Variants in RGS3 observed in about 807,000 individuals in gnomAD.
RGS3 encodes the protein regulator of G-protein signalling 3.
Under a neutral mutation model 132.6 loss-of-function variants are expected in RGS3, and 80 were observed. The ratio of observed to expected loss-of-function variants is 0.60; its 90% confidence interval spans 0.50 to 0.73. The LOEUF is 0.73. Ranked by LOEUF, RGS3 falls within the 30% of genes least tolerant of loss-of-function variation. The pLI, the probability that RGS3 is intolerant of heterozygous loss-of-function variation, is 0.00. For synonymous variants in RGS3, 598 were observed against 620.6 expected, an observed-to-expected ratio of 0.96 and a Z score of 0.54; for missense variants, 1,382 against 1,530.8, an observed-to-expected ratio of 0.90 and a Z score of 1.62.
At chr9:113,496,575 GA>G (rs1246012200) in intron 8 of RGS3, among the ~76,000 whole-genome samples, 5 of 151,812 alleles carry the variant, frequency 3.3e-5, no homozygotes, top group African/African-American at 1.2e-4. Flanking sequence ...TTTTGAGACG[GA>G]GTCTCACTCT....
rs572486906 is a variant in RGS3 at position 113,591,817 on chromosome 9, C to T, written c.3080+420C>T. On this transcript the variant is annotated intron_variant, in intron 21 of 24. Coordinates refer to ENST00000350696, the Ensembl canonical transcript of RGS3. This position sits in a 1 kb window ranked among gnomAD's most constrained non-coding sequence, Gnocchi z 4.4. ...TCCTGAGCTCCTGAATGCTAATAGT[C>T]TCAGGCATTGCCAGGAGGGGGCGCT... 2 of 176,858 alleles carry T rather than the reference C, an allele frequency of 1.1e-5. No individual in the cohort carries two copies. The highest frequency in any genetic ancestry group is 5.5e-5 in the Admixed American group (1 of 18,246). The allele number at this position is 176,858 out of a possible 1,614,324, so 11.0% of individuals were successfully genotyped here.
At chr9:113,538,984 T>C (rs1201666280) in intron 19 of RGS3, among the ~76,000 whole-genome samples, 2 of 152,200 alleles carry the variant, frequency 1.3e-5, no homozygotes, top group Non-Finnish European at 2.9e-5. Context: ...ATCACCACCA[T>C]GCACATGCAA....
chr9:113,589,899 A>G (rs779917745), intron 20 of RGS3: 10 of 152,140 alleles, frequency 6.6e-5, no homozygotes, highest in Non-Finnish European at 1.2e-4. Flanking sequence ...AACTTACCCA[A>G]AGTTGGTGAA....
chr9:113,583,614 C>T (rs768601958), exon 20 of RGS3: 37 of 1,613,986 alleles, frequency 2.3e-5, no homozygotes, highest in East Asian at 1.3e-4. Flanking sequence ...GGCAGGAACC[C>T]GCTCCCAGCC....
rs766538859 is a variant in RGS3 at position 113,501,399 on chromosome 9, G to A, written c.897+3319G>A. 1.8e-5 allele frequency: 26 copies of A among 1,434,916 alleles called. No homozygotes were observed. In the East Asian group the frequency reaches 3.8e-4, roughly 21 times the overall value. 88.9% of individuals were successfully genotyped at this position (1,434,916 alleles called of 1,614,324 possible). On this transcript the variant is annotated intron_variant, in intron 10 of 24. Coordinates refer to ENST00000350696, the Ensembl canonical transcript of RGS3. ...GTTTCAGGAAGCCTTCGGGCTTATC[G>A]TGCAGAGGCACACAGCACAGACAGG...
intron 20 of RGS3, among the ~76,000 whole-genome samples, chr9:113,590,557 T>TATCCATCC (rs746005388): frequency 0.028 from 4,193 of 148,588 alleles, 78 homozygotes; most frequent in Non-Finnish European, 0.04. Context: ...CCTATCCACA[T>TATCCATCC]ATCCATCCAT....
At chr9:113,594,470 C>A in exon 22 of RGS3, 2 of 1,613,694 alleles carry the variant, frequency 1.2e-6, no homozygotes, top group Non-Finnish European at 1.7e-6. Flanking sequence ...CTTCAGACGG[C>A]GGAATGAGTC....
At chr9:113,592,862 ATG>A (rs1835512653) in intron 21 of RGS3, 1 of 152,194 alleles carries the variant, frequency 6.6e-6, no homozygotes, top group South Asian at 2.1e-4. Flanking sequence ...ATAACCATTA[ATG>A]TTTATTATGC....
chr9:113,507,377 C>T lies in RGS3; in HGVS notation c.1176C>T (p.Ser392=). Reference sequence around the variant, plus strand: ...ATGGCGGGGTCCTGCGGCGGGCCTCCTGCAAGTCGACACATGACCTCCAGT... The same window carrying T: ...ATGGCGGGGTCCTGCGGCGGGCCTCTTGCAAGTCGACACATGACCTCCAGT... The change falls in exon 13 of 25, where the codon TCC becomes TCT. Residue 392 remains serine (S), a synonymous_variant. Transcript: ENST00000350696. This position sits in a 1 kb window ranked among gnomAD's most constrained non-coding sequence, Gnocchi z 5.0. 1 of 1,613,820 alleles carries T rather than the reference C, an allele frequency of 6.2e-7. No homozygotes were observed. The highest frequency in any genetic ancestry group is 8.5e-7 in the Non-Finnish European group (1 of 1,180,026).
chr9:113,529,560 G>GC (rs1832377081), intron 18 of RGS3, among the ~76,000 whole-genome samples: 1 of 152,210 alleles, frequency 6.6e-6, no homozygotes, highest in African/African-American at 2.4e-5. Context: ...TGGGGGTGTG[G>GC]CCGGGCAACT....
chr9:113,461,961 C>G (rs1385692042), intron 2 of RGS3: 20 of 1,596,716 alleles, frequency 1.3e-5, no homozygotes, highest in Non-Finnish European at 1.7e-5. Context: ...GGAGTGAACA[C>G]ACCTTGCATG....
At chr9:113,452,416 GTTTT>G in intron 1 of RGS3, among the ~76,000 whole-genome samples, 1 of 139,840 alleles carries the variant, frequency 7.2e-6, no homozygotes, top group Middle Eastern at 3.8e-3. Flanking sequence ...GTAATGTGTA[GTTTT>G]TTTTTTTTTT....
intron 19 of RGS3, among the ~76,000 whole-genome samples, chr9:113,553,274 G>A (rs1013507624): frequency 4.7e-5 from 7 of 147,402 alleles, no homozygotes; most frequent in African/African-American, 1.0e-4. Flanking sequence ...AGACCCCATC[G>A]CTACAAAAAA....
At chr9:113,500,636 A>C (rs891256278) in intron 10 of RGS3, among the ~76,000 whole-genome samples, 2 of 151,514 alleles carry the variant, frequency 1.3e-5, no homozygotes, top group Non-Finnish European at 2.9e-5. Flanking sequence ...CATGTGTATC[A>C]CCAGATCCTG....
At chr9:113,473,179 G>C (rs899634730) in intron 3 of RGS3, among the ~76,000 whole-genome samples, 1 of 152,118 alleles carries the variant, frequency 6.6e-6, no homozygotes, top group African/African-American at 2.4e-5. Context: ...CATTCTATTT[G>C]TTAGAAGCAA....
chr9:113,465,087 C>T (rs1829585887), intron 3 of RGS3, among the ~76,000 whole-genome samples: 1 of 151,666 alleles, frequency 6.6e-6, no homozygotes, highest in African/African-American at 2.4e-5. Context: ...AAGTGTTTTA[C>T]CTGCATTATC....
intron 3 of RGS3, among the ~76,000 whole-genome samples, chr9:113,471,390 G>T (rs1402427833): frequency 6.6e-6 from 1 of 151,944 alleles, no homozygotes; most frequent in African/African-American, 2.4e-5. Context: ...AAAAACACTA[G>T]GTTTCCTTCT....
chr9:113,507,051 C>T lies in RGS3; in HGVS notation c.1086-236C>T, dbSNP rs1831159889. 6.6e-6 allele frequency among the ~76,000 whole-genome samples: 1 copy of T among 152,198 alleles called. No homozygotes were observed. Among genetic ancestry groups the T allele is most frequent in the Non-Finnish European group, 1.5e-5 (1 of 68,030 alleles). On this transcript the variant is annotated intron_variant, in intron 12 of 24. Coordinates refer to ENST00000350696, the Ensembl canonical transcript of RGS3. The surrounding 1 kb of genome is among the most constrained non-coding windows in gnomAD (Gnocchi z 5.0). ...GGAACTCTTTCCTGTTGAAACTGGC[C>T]TGGCCTCAGGGTCCTTCTCAACCAC... is the stretch of plus-strand genomic sequence containing the variant.
chr9:113,506,683 T>G lies in RGS3; in HGVS notation c.1085+190T>G, dbSNP rs751098576. On this transcript the variant is annotated intron_variant, in intron 12 of 24. Coordinates refer to ENST00000350696, the Ensembl canonical transcript of RGS3. This position sits in a 1 kb window ranked among gnomAD's most constrained non-coding sequence, Gnocchi z 4.7. ...AATGGAAGGTTCAGGCTCAGAGCAC[T>G]TTTGGATTCCAGAGCAAACAGCAGG... 7.2e-5 allele frequency among the ~76,000 whole-genome samples: 11 copies of G among 152,178 alleles called. No homozygotes were observed. The highest frequency in any genetic ancestry group is 1.2e-4 in the Non-Finnish European group (8 of 68,028).
Sources: allele counts gnomAD v4.1 joint callset (sites outside exome capture counted in the v4.1 genomes callset), GRCh38; gene constraint gnomAD v4.1.1; non-coding constraint Gnocchi (gnomAD v3.1); transcripts MANE v1.5; gene names NCBI Gene and HGNC (gene_info 2026-07-23, HGNC 2026-07-21).